CUL3: variants seen among roughly 807,000 people sequenced by gnomAD.
CUL3 encodes the protein cullin 3.
A neutral mutation model predicts 89.1 loss-of-function variants in CUL3; 19 were observed. That is an observed-to-expected ratio of 0.21 (90% CI 0.15 to 0.31). The LOEUF (loss-of-function observed/expected upper bound fraction) is 0.31, where lower values mean the gene tolerates loss of function less well. Ranked by LOEUF, CUL3 falls within the 10% of genes least tolerant of loss-of-function variation. The pLI, the probability that CUL3 is intolerant of heterozygous loss-of-function variation, is 1.00. For synonymous variants in CUL3, 351 were observed against 308.4 expected (o/e 1.14, Z -1.45); for missense variants, 469 against 942.3 (o/e 0.50, Z 6.58).
chr2:224,528,126 A>G (rs1693545572), intron 3 of CUL3, among the ~76,000 whole-genome samples: 1 of 152,158 alleles, frequency 6.6e-6, no homozygotes, highest in South Asian at 2.1e-4. Context: ...AAATTACCAC[A>G]AATTTGTGGT....
intron 2 of CUL3, among the ~76,000 whole-genome samples, chr2:224,537,708 A>AT (rs1436948524): frequency 6.6e-6 from 1 of 152,162 alleles, no homozygotes; most frequent in East Asian, 1.9e-4. Context: ...AAAAATACGT[A>AT]TTTCAAACAT....
At chr2:224,565,185 CTGTTT>C (rs1695012411) in intron 1 of CUL3, among the ~76,000 whole-genome samples, 2 of 152,096 alleles carry the variant, frequency 1.3e-5, no homozygotes, top group Admixed American at 1.3e-4. Context: ...CTATTAACAC[CTGTTT>C]TGTATGTTAC....
intron 2 of CUL3, among the ~76,000 whole-genome samples, chr2:224,539,339 A>G (rs1233046580): frequency 6.6e-6 from 1 of 152,188 alleles, no homozygotes; most frequent in Non-Finnish European, 1.5e-5. Flanking sequence ...AGAGTATCTC[A>G]TACACTGCCA....
At chr2:224,557,895 A>C (rs1166448620) in intron 1 of CUL3, 39 bp from the exon 2 acceptor site, 6 of 1,152,352 alleles carry the variant, frequency 5.2e-6, no homozygotes, top group South Asian at 2.9e-5. Flanking sequence ...AAAAAAAAAA[A>C]AAAAAAAAAA....
chr2:224,503,813 G>T lies in CUL3; in HGVS notation c.1216C>A (p.Gln406Lys). The change falls in exon 9 of 16, where the codon CAA (glutamine) becomes AAA (lysine). Residue 406 changes from glutamine (Q) to lysine (K), a missense_variant. Coordinates refer to ENST00000264414, the MANE Select transcript of CUL3 (RefSeq NM_003590.5). The part of the protein sequence containing the change: ...LKKGVKGLTE[Q>K]EVETILDKAM... ...TTATCCAATATTGTTTCTACTTCTT[G>T]TTCTGTTAGCTGCAAAATTAAGATG... 6.4e-7 allele frequency: 1 copy of T among 1,551,066 alleles called. No homozygotes were observed. Among genetic ancestry groups the T allele is most frequent in the Non-Finnish European group, 8.7e-7 (1 of 1,153,342 alleles).
intron 13 of CUL3, chr2:224,495,422 AC>A (rs1692136726): frequency 6.5e-6 from 1 of 153,724 alleles, no homozygotes; most frequent in Non-Finnish European, 1.4e-5. Flanking sequence ...CTAAAAAAAA[AC>A]AAAACTAATT....
chr2:224,508,023 C>A (rs1156455152), intron 6 of CUL3, among the ~76,000 whole-genome samples: 1 of 151,924 alleles, frequency 6.6e-6, no homozygotes, highest in African/African-American at 2.4e-5. Flanking sequence ...ACAGATAATA[C>A]ATAAATTATT....
rs763950938 is a variant in CUL3, at chr2:224,507,039, G to A, written c.884-36C>T. The A allele has an allele frequency of 3.1e-6, 5 of 1,588,522 alleles. No individual in the cohort carries two copies. The Admixed American group carries it at 5.4e-5, about 17-fold the overall frequency. ...GAAAACACAAATTGGCTACATTAAA[G>A]ATTAAAGAAAAAAACACGAATCTCT... On this transcript the variant is annotated intron_variant, in intron 6 of 15. Transcript: ENST00000264414.
Position 224,471,097 on chromosome 2 carries a change from T to C in CUL3, c.*3148A>G, listed in dbSNP as rs17479770. ...GTTAACATTTCTAATTATTTCTGCTTTGAGGACTAGAAATGACTTCTAATT... is the reference window on the plus strand; with the variant it reads ...GTTAACATTTCTAATTATTTCTGCTCTGAGGACTAGAAATGACTTCTAATT... On this transcript the variant is annotated 3_prime_UTR_variant, in exon 16 of 16. Transcript: ENST00000264414. The C allele has an allele frequency of 0.26, 58,430 of 221,000 alleles. 8,660 individuals are homozygous for C. Among genetic ancestry groups the C allele is most frequent in the East Asian group, 0.36 (5,460 of 15,012 alleles). The allele number at this position is 221,000 out of a possible 1,614,324, so 13.7% of individuals were successfully genotyped here. A position where few individuals can be genotyped will look rare whatever the true frequency, so the allele number is the denominator to read the frequency against.
intron 8 of CUL3, among the ~76,000 whole-genome samples, chr2:224,505,116 A>C (rs1339126424): frequency 2.9e-4 from 44 of 150,882 alleles, no homozygotes; most frequent in Admixed American, 2.9e-3. Flanking sequence ...CTGTTTACCA[A>C]CTACAGCTGT....
At chr2:224,504,552 G>A (rs1405963590) in intron 8 of CUL3, among the ~76,000 whole-genome samples, 3 of 152,144 alleles carry the variant, frequency 2.0e-5, no homozygotes, top group Non-Finnish European at 4.4e-5. Context: ...CAGGTGATCC[G>A]CCGCCTTTGC....
At position 224,485,875 on chromosome 2, in the gene CUL3, G is replaced by C. The variant is rs1279794435; in HGVS notation, c.1843-3797C>G. Among the ~76,000 whole-genome samples, 52 of 152,190 alleles carry C rather than the reference G, an allele frequency of 3.4e-4. No individual in the cohort carries two copies. Among genetic ancestry groups the C allele is most frequent in the Admixed American group, 3.3e-3 (51 of 15,284 alleles). The stretch of plus-strand genomic sequence containing the variant: ...TACAGGAGAGCTCCGGCTGGCATCT[G>C]GCAGGTGCCCCTCTGGGACAAAGCT... On this transcript the variant is annotated intron_variant, in intron 13 of 15. Transcript: ENST00000264414. This position sits in a 1 kb window ranked among gnomAD's most constrained non-coding sequence, Gnocchi z 4.1.
intron 3 of CUL3, among the ~76,000 whole-genome samples, chr2:224,517,244 A>T (rs1386590149): frequency 6.6e-6 from 1 of 152,220 alleles, no homozygotes; most frequent in African/African-American, 2.4e-5. Flanking sequence ...ATGGCTAAAG[A>T]CAGGTAGTAA....
intron 1 of CUL3, among the ~76,000 whole-genome samples, chr2:224,576,329 C>A (rs981077155): frequency 6.8e-6 from 1 of 146,604 alleles, no homozygotes; most frequent in Non-Finnish European, 1.5e-5. Flanking sequence ...AAGACTGGAC[C>A]GCAGACTAAG....
intron 3 of CUL3, among the ~76,000 whole-genome samples, chr2:224,530,417 G>A (rs1186351112): frequency 6.6e-6 from 1 of 151,894 alleles, no homozygotes; most frequent in African/African-American, 2.4e-5. Context: ...TAACCTAAGA[G>A]TCTAGGTTGA....
chr2:224,572,644 A>C (rs2106322301), intron 1 of CUL3, among the ~76,000 whole-genome samples: 1 of 151,900 alleles, frequency 6.6e-6, no homozygotes, highest in African/African-American at 2.4e-5. Flanking sequence ...AAAAAAAAAA[A>C]AAAAAAAAGG....
At chr2:224,532,026 TATA>T (rs756788173) in intron 3 of CUL3, among the ~76,000 whole-genome samples, 5 of 152,118 alleles carry the variant, frequency 3.3e-5, no homozygotes, top group Non-Finnish European at 5.9e-5. Context: ...AAAAAGAACT[TATA>T]AGAATAATTC....
chr2:224,513,509 A>T lies in CUL3; in HGVS notation c.654+15T>A. 1.5e-6 allele frequency: 2 copies of T among 1,368,000 alleles called. No homozygotes were observed. Among genetic ancestry groups the T allele is most frequent in the South Asian group, 2.5e-5 (2 of 79,988 alleles). 84.7% of individuals were successfully genotyped at this position (1,368,000 alleles called of 1,614,324 possible). A position where few individuals can be genotyped will look rare whatever the true frequency, so the allele number is the denominator to read the frequency against. ...ACATCTTAAAAGATTATTTATTTAC[A>T]TTTTCACGGATTACCTGAAAAAATT... On this transcript the variant is annotated intron_variant, in intron 5 of 15. Transcript: ENST00000264414.
intron 6 of CUL3, among the ~76,000 whole-genome samples, chr2:224,507,992 C>T (rs186680747): frequency 4.6e-5 from 7 of 152,204 alleles, no homozygotes; most frequent in South Asian, 4.2e-4. Context: ...ACTACTCTGA[C>T]GCTGTAGCAA....
Sources: gnomAD v4.1 joint callset for allele counts (sites outside exome capture counted in the v4.1 genomes callset) on GRCh38, gnomAD v4.1.1 for gene constraint, Gnocchi (gnomAD v3.1) non-coding constraint, MANE v1.5 for transcripts, NCBI Gene and HGNC (gene_info 2026-07-23, HGNC 2026-07-21) for gene names.